The following CLPB variants were observed in gnomAD, a reference collection of about 807,000 sequenced individuals.
CLPB encodes the protein mitochondrial disaggregase.
Under a neutral mutation model 78.4 loss-of-function variants are expected in CLPB, and 40 were observed. The ratio of observed to expected loss-of-function variants is 0.51; its 90% CI spans 0.40 to 0.66. The LOEUF is 0.66. Among genes scored for constraint, CLPB ranks in the 30% least tolerant of loss-of-function variants. The pLI is 0.00. For synonymous variants in CLPB, 333 were observed against 348.0 expected (o/e 0.96, Z 0.48); for missense variants, 780 against 886.9 (o/e 0.88, Z 1.53).
At chr11:72,310,558 T>C (rs1198064160) in intron 7 of CLPB, among the ~76,000 whole-genome samples, 2 of 152,190 alleles carry the variant, frequency 1.3e-5, no homozygotes, top group African/African-American at 2.4e-5. Context: ...AGTGAAGATA[T>C]TGAAACGGCA....
chr11:72,295,494 A>G lies in CLPB; in HGVS notation c.1484T>C (p.Leu495Pro), dbSNP rs770287487. The part of the protein sequence containing the change: ...EMSRNRIAEN[L>P]GDVQISDKIT... ...ACTGCTCAGGTCAGCCGCCATACCC[A>G]GGTTTTCGGCAATACGGTTACGGCT... Residue 495 changes from leucine to proline, a missense_variant and splice_region_variant, in exon 12 of 16, where the codon CTG becomes CCG. Physicochemically the swap from Leu to Pro is moderately conservative, Grantham distance 98. Transcript: ENST00000538039. 2 of 1,613,832 alleles carry G rather than the reference A, an allele frequency of 1.2e-6. No homozygotes were observed. Among genetic ancestry groups the G allele is most frequent in the Non-Finnish European group, 1.7e-6 (2 of 1,179,780 alleles).
chr11:72,290,940 G>A lies in CLPB; in HGVS notation c.*2427C>T, dbSNP rs1242852962. 6 of 139,186 alleles carry A rather than the reference G, an allele frequency of 4.3e-5. No homozygotes were observed. The highest frequency in any genetic ancestry group is 6.1e-5 in the Non-Finnish European group (4 of 65,678). The allele number at this position is 139,186 out of a possible 1,614,324, so 8.6% of individuals were successfully genotyped here. ...ATCCTGGGTGACAGAGCGGGACTCC[G>A]TCTCAAAAAAAAAAAAAAAACCAAA... On this transcript the variant is annotated 3_prime_UTR_variant, in exon 16 of 16. Coordinates refer to ENST00000538039, the MANE Select transcript of CLPB (RefSeq NM_001258392.3).
intron 3 of CLPB, among the ~76,000 whole-genome samples, chr11:72,383,244 G>C (rs1854970339): frequency 6.6e-6 from 1 of 151,936 alleles, no homozygotes; most frequent in Non-Finnish European, 1.5e-5. Flanking sequence ...TAAAAGACAG[G>C]CTGGGTGCGG....
chr11:72,299,464 T>C (rs1754583303), intron 11 of CLPB, among the ~76,000 whole-genome samples: 1 of 152,208 alleles, frequency 6.6e-6, no homozygotes, highest in South Asian at 2.1e-4. Flanking sequence ...CACTCTGTCC[T>C]TGTTTTCCCT....
intron 2 of CLPB, among the ~76,000 whole-genome samples, chr11:72,416,062 A>T (rs1259634610): frequency 6.6e-6 from 1 of 152,220 alleles, no homozygotes; most frequent in Non-Finnish European, 1.5e-5. Context: ...GGACCAAGTG[A>T]GGGGAGTTGC....
intron 1 of CLPB, among the ~76,000 whole-genome samples, chr11:72,432,433 C>G (rs1406037916): frequency 2.6e-5 from 4 of 152,174 alleles, no homozygotes; most frequent in Non-Finnish European, 4.4e-5. Flanking sequence ...GTTCAAATTT[C>G]CCATCCTCTG....
intron 4 of CLPB, chr11:72,372,996 G>A (rs1951072238): frequency 1.9e-6 from 3 of 1,613,948 alleles, no homozygotes; most frequent in African/African-American, 1.3e-5. Flanking sequence ...GTGCCGGCTT[G>A]CACCGTCCTG....
intron 8 of CLPB, 57 bp from the exon 9 acceptor site, chr11:72,307,311 T>TGAAAGAATACTAGAAATGCACGGACACTA: frequency 7.1e-7 from 1 of 1,400,120 alleles, no homozygotes; most frequent in South Asian, 1.2e-5. Flanking sequence ...ACCGCTGGAA[T>TGAAAGAATACTAGAAATGCACGGACACTA]GAAAGAATAC....
intron 7 of CLPB, among the ~76,000 whole-genome samples, chr11:72,315,109 C>G (rs1454094576): frequency 6.6e-6 from 1 of 151,614 alleles, no homozygotes; most frequent in Non-Finnish European, 1.5e-5. Flanking sequence ...GTGGAAAGGC[C>G]AGGTGTTTGA....
chr11:72,427,758 C>T (rs576412501), intron 2 of CLPB, among the ~76,000 whole-genome samples: 1 of 152,306 alleles, frequency 6.6e-6, no homozygotes, highest in Non-Finnish European at 1.5e-5. Flanking sequence ...ATGATGTTCA[C>T]ACTGTGATGA....
intron 3 of CLPB, among the ~76,000 whole-genome samples, chr11:72,386,271 GCTT>G (rs1468605113): frequency 6.6e-6 from 1 of 152,052 alleles, no homozygotes; most frequent in Non-Finnish European, 1.5e-5. Flanking sequence ...AGTCAGTTGT[GCTT>G]CTTCTTCACA....
chr11:72,300,898 G>A (rs1039959007), intron 11 of CLPB, among the ~76,000 whole-genome samples: 30 of 152,288 alleles, frequency 2.0e-4, no homozygotes, highest in East Asian at 5.8e-4. Context: ...ATCTTCTTCC[G>A]TGATCGTAAG....
intron 5 of CLPB, among the ~76,000 whole-genome samples, chr11:72,330,277 C>T (rs1210561554): frequency 1.3e-5 from 2 of 152,192 alleles, no homozygotes; most frequent in Non-Finnish European, 2.9e-5. Flanking sequence ...TGCTCTCTGA[C>T]CTCTGGGCAT....
intron 3 of CLPB, among the ~76,000 whole-genome samples, chr11:72,398,375 G>T (rs764815766): frequency 2.3e-4 from 35 of 152,150 alleles, no homozygotes; most frequent in Admixed American, 1.3e-3. Flanking sequence ...GCATGGGTTC[G>T]AATCAAGTCG....
intron 2 of CLPB, among the ~76,000 whole-genome samples, chr11:72,424,234 G>A (rs561682128): frequency 5.9e-5 from 9 of 152,080 alleles, no homozygotes; most frequent in Non-Finnish European, 1.0e-4. Flanking sequence ...AAAATGTATC[G>A]GGCCCAGAGA....
intron 5 of CLPB, among the ~76,000 whole-genome samples, chr11:72,345,324 T>A (rs1444588351): frequency 6.6e-6 from 1 of 152,216 alleles, no homozygotes; most frequent in African/African-American, 2.4e-5. Flanking sequence ...AATGAAGTAT[T>A]ATGCAGCTAT....
At position 72,293,506 on chromosome 11, in the gene CLPB, T is replaced by C. The variant is rs1438100440; in HGVS notation, c.1895A>G (p.Lys632Arg). Residue 632 changes from lysine (K) to arginine (R), a missense_variant, in exon 16 of 16, where the codon AAA (lysine) becomes AGA (arginine). By Grantham distance (26) the Lys-to-Arg change is conservative (BLOSUM62 2). Transcript: ENST00000538039. ...TVEDSDKQLL[K>R]SPELPSPQAE... The stretch of plus-strand genomic sequence containing the variant: ...CTGGGGTGAGGGCAGTTCTGGGCTT[T>C]TGAGTAGCTGCTTGTCTGAGTCCTC... 1 of 1,614,138 alleles carries C rather than the reference T, an allele frequency of 6.2e-7. No homozygotes were observed. Among genetic ancestry groups the C allele is most frequent in the Middle Eastern group, 1.6e-4 (1 of 6,062 alleles).
intron 2 of CLPB, among the ~76,000 whole-genome samples, chr11:72,429,947 G>A (rs1477225640): frequency 1.3e-5 from 2 of 152,182 alleles, no homozygotes; most frequent in Admixed American, 1.3e-4. Context: ...CATAGATGCC[G>A]ACCTGCAACC....
chr11:72,344,118 C>T (rs151183889), intron 5 of CLPB, among the ~76,000 whole-genome samples: 2 of 152,282 alleles, frequency 1.3e-5, no homozygotes, highest in Non-Finnish European at 2.9e-5. Flanking sequence ...ATGTCATTAC[C>T]ACATCCAGCA....
Sources: gnomAD v4.1 joint callset for allele counts (sites outside exome capture counted in the v4.1 genomes callset) on GRCh38, gnomAD v4.1.1 for gene constraint, MANE v1.5 for transcripts, NCBI Gene and HGNC (gene_info 2026-07-23, HGNC 2026-07-21) for gene names.